ANKRD13C: variants seen among roughly 807,000 people sequenced by gnomAD.
The protein encoded by ANKRD13C is ankyrin repeat domain-containing protein 13C.
In ANKRD13C, 16 loss-of-function variants were observed where a neutral mutation model predicts 65.5. The observed-to-expected ratio is 0.24, with a 90% CI of 0.17 to 0.37. The LOEUF (loss-of-function observed/expected upper bound fraction) is 0.37. Ranked by LOEUF, ANKRD13C falls within the 10% of genes least tolerant of loss-of-function variation. ANKRD13C has a pLI of 1.00. For synonymous variants in ANKRD13C, 235 were observed against 238.7 expected (o/e 0.98, Z 0.14); for missense variants, 503 against 655.9 (o/e 0.77, Z 2.55).
chr1:70,319,397 G>C (rs1681208033), intron 3 of ANKRD13C, among the ~76,000 whole-genome samples: 1 of 152,010 alleles, frequency 6.6e-6, no homozygotes, highest in Non-Finnish European at 1.5e-5. Flanking sequence ...CCTGAGGTCA[G>C]GAGTTCAAGA....
intron 5 of ANKRD13C, among the ~76,000 whole-genome samples, chr1:70,311,474 C>CAATA (rs201888390): frequency 1.3e-5 from 2 of 151,874 alleles, no homozygotes; most frequent in African/African-American, 2.4e-5. Context: ...GACTCCCTCT[C>CAATA]AATAAATAAA....
chr1:70,349,319 T>C (rs1682652024), intron 1 of ANKRD13C, among the ~76,000 whole-genome samples: 2 of 152,312 alleles, frequency 1.3e-5, no homozygotes, highest in African/African-American at 2.4e-5. Context: ...TCCATAATTT[T>C]GTGTACTTTT....
intron 5 of ANKRD13C, among the ~76,000 whole-genome samples, chr1:70,307,437 T>A (rs1026441193): frequency 1.1e-4 from 17 of 151,988 alleles, no homozygotes; most frequent in African/African-American, 3.6e-4. Flanking sequence ...ACAAATAAAA[T>A]TTTTAAAATA....
intron 1 of ANKRD13C, 124 bp downstream of exon 1, chr1:70,353,855 G>A (rs1682864130): frequency 1.5e-6 from 2 of 1,305,168 alleles, no homozygotes; most frequent in Admixed American, 3.2e-5. Context: ...ATGATTTACC[G>A]AACGGCCCGG....
At position 70,354,008 on chromosome 1, in the gene ANKRD13C, G is replaced by T; in HGVS notation, c.401C>A (p.Thr134Lys). Residue 134 changes from threonine to lysine, a missense_variant, in exon 1 of 13, where the codon ACG becomes AAG. This residue lies in a region of ANKRD13C where 203 missense variants were observed against 177.6 expected (regional missense o/e 1.14). Transcript: ENST00000370944. ...ATTATCTTTCTGCCCGATATTGTGC[G>T]TGCGGATGAGAGAGGAGAGTCTCCT... ...DVRRLSSLIRTHNIGQKDNHG... is the reference protein window; with the variant it reads ...DVRRLSSLIRKHNIGQKDNHG... 1 of 1,543,966 alleles carries T rather than the reference G, an allele frequency of 6.5e-7. No homozygotes were observed.
chr1:70,353,920 G>A (rs1208762772), intron 1 of ANKRD13C, 59 bp downstream of exon 1: 4 of 1,451,224 alleles, frequency 2.8e-6, no homozygotes, highest in African/African-American at 2.8e-5. Flanking sequence ...CAGAAGCCTG[G>A]GGAGGCACAC....
At chr1:70,290,907 G>GTTCCT in intron 9 of ANKRD13C, among the ~76,000 whole-genome samples, 1 of 150,790 alleles carries the variant, frequency 6.6e-6, no homozygotes, top group South Asian at 2.1e-4. Context: ...CAACAACTGA[G>GTTCCT]GGGAGAAAAG....
intron 7 of ANKRD13C, among the ~76,000 whole-genome samples, chr1:70,297,514 G>A (rs1398737495): frequency 2.7e-5 from 4 of 147,716 alleles, no homozygotes; most frequent in Non-Finnish European, 4.5e-5. Flanking sequence ...GGATGGTCTC[G>A]ATCTCCTGAC....
chr1:70,315,386 T>C, intron 4 of ANKRD13C, 95 bp downstream of exon 4: 1 of 1,052,322 alleles, frequency 9.5e-7, no homozygotes, highest in Non-Finnish European at 1.4e-6. Context: ...TGGCCCCTAA[T>C]AAGTGAGAAT....
chr1:70,308,369 T>G (rs577645036), intron 5 of ANKRD13C, among the ~76,000 whole-genome samples: 1 of 151,228 alleles, frequency 6.6e-6, no homozygotes, highest in South Asian at 2.1e-4. Context: ...ATACTTTTAT[T>G]AAAAATCAGG....
In ANKRD13C at chr1:70,354,636, C is replaced by T. The variant is rs967566271; in HGVS notation, c.-228G>A. On this transcript the variant is annotated 5_prime_UTR_variant, in exon 1 of 13. Coordinates refer to ENST00000370944, the MANE Select transcript of ANKRD13C (RefSeq NM_030816.5). The stretch of plus-strand genomic sequence containing the variant: ...TGGGGGAAGCTAGAACTCAGGTGCC[C>T]ACGACACCAGGATCTCAGTCTCGCC... 1.3e-5 allele frequency: 14 copies of T among 1,050,458 alleles called. No homozygotes were observed. In the African/African-American group the frequency reaches 2.3e-4, roughly 17 times the overall value. 65.1% of individuals were successfully genotyped at this position (1,050,458 alleles called of 1,614,324 possible).
chr1:70,282,161 T>A (rs981296828), intron 9 of ANKRD13C, among the ~76,000 whole-genome samples: 2 of 150,478 alleles, frequency 1.3e-5, no homozygotes, highest in Non-Finnish European at 3.0e-5. Context: ...TTCATGCCAT[T>A]CTCCTGCCTC....
chr1:70,265,824 CAAAA>C (rs775757290), intron 12 of ANKRD13C, among the ~76,000 whole-genome samples: 21 of 35,422 alleles, frequency 5.9e-4, no homozygotes, highest in South Asian at 5.9e-3. Flanking sequence ...GACCTTGCCT[CAAAA>C]AAAAAAAAAA....
chr1:70,271,861 C>T (rs1225248785), intron 11 of ANKRD13C, among the ~76,000 whole-genome samples: 1 of 152,192 alleles, frequency 6.6e-6, no homozygotes, highest in Non-Finnish European at 1.5e-5. Flanking sequence ...TTAAGTAAAA[C>T]ATGAATGACT....
At chr1:70,325,359 C>T (rs1681488675) in intron 2 of ANKRD13C, among the ~76,000 whole-genome samples, 1 of 152,094 alleles carries the variant, frequency 6.6e-6, no homozygotes, top group Admixed American at 6.5e-5. Context: ...ATAGTAAGTT[C>T]ATTTTTTATT....
intron 1 of ANKRD13C, among the ~76,000 whole-genome samples, chr1:70,340,179 A>G (rs558382969): frequency 1.3e-5 from 2 of 152,136 alleles, no homozygotes; most frequent in Admixed American, 1.3e-4. Context: ...TTCAAAGAAC[A>G]AAGTGTTGGC....
At chr1:70,307,007 T>A (rs1422732369) in intron 5 of ANKRD13C, among the ~76,000 whole-genome samples, 1 of 152,064 alleles carries the variant, frequency 6.6e-6, no homozygotes, top group Non-Finnish European at 1.5e-5. Flanking sequence ...ATGAAAGAAA[T>A]GTGAAGCTCA....
At chr1:70,309,218 G>GC (rs1027446949) in intron 5 of ANKRD13C, among the ~76,000 whole-genome samples, 9 of 151,054 alleles carry the variant, frequency 6.0e-5, no homozygotes, top group Non-Finnish European at 8.9e-5. Context: ...GATTACAGGC[G>GC]CCCCCCTACC....
chr1:70,288,118 T>C (rs1679701460), intron 9 of ANKRD13C, among the ~76,000 whole-genome samples: 2 of 152,118 alleles, frequency 1.3e-5, no homozygotes, highest in South Asian at 2.1e-4. Context: ...GAAGAGGATA[T>C]ACAGATAGCA....
Sources: allele counts gnomAD v4.1 joint callset (sites outside exome capture counted in the v4.1 genomes callset), GRCh38; gene constraint gnomAD v4.1.1; regional missense constraint gnomAD v4.1.1; transcripts MANE v1.5; gene names NCBI Gene and HGNC (gene_info 2026-07-23, HGNC 2026-07-21).